The following RARB variants were observed in gnomAD, a reference collection of about 807,000 sequenced individuals.
The protein encoded by RARB is HBV-activated protein.
A neutral mutation model predicts 51.9 loss-of-function variants in RARB; 17 were observed. The observed-to-expected ratio is 0.33, with a 90% CI of 0.22 to 0.49. RARB has a LOEUF of 0.49. Ranked by LOEUF, RARB falls within the 20% of genes least tolerant of loss-of-function variation. The pLI, the probability that RARB is intolerant of heterozygous loss-of-function variation, is 0.99. For missense variants in RARB, 369 were observed against 550.8 expected (o/e 0.67, Z 3.30); for synonymous variants, 215 against 195.4 (o/e 1.10, Z -0.84).
intron 5 of RARB, among the ~76,000 whole-genome samples, chr3:25,235,344 T>G (rs970669929): frequency 1.4e-4 from 22 of 152,026 alleles, no homozygotes; most frequent in Admixed American, 1.3e-3. Context: ...TAAGCAAAAT[T>G]TTGCTCAGAA....
intron 5 of RARB, among the ~76,000 whole-genome samples, chr3:25,593,165 CTT>C (rs200612408): frequency 1.7e-4 from 25 of 144,840 alleles, no homozygotes; most frequent in Non-Finnish European, 2.0e-4. Flanking sequence ...TCTTATTCAT[CTT>C]TTTTTTTTTT....
intron 5 of RARB, among the ~76,000 whole-genome samples, chr3:25,250,709 G>T (rs1447574064): frequency 6.6e-6 from 1 of 152,146 alleles, no homozygotes; most frequent in African/African-American, 2.4e-5. Context: ...TAGGGGCTGG[G>T]CTCTCAAAGT....
At chr3:25,167,094 G>A (rs938528053) in intron 4 of RARB, among the ~76,000 whole-genome samples, 5 of 152,042 alleles carry the variant, frequency 3.3e-5, no homozygotes, top group Non-Finnish European at 7.4e-5. Context: ...TCTCATCTGT[G>A]GTCTTGAGTG....
chr3:25,080,097 C>T (rs1199171155), intron 3 of RARB, among the ~76,000 whole-genome samples: 5 of 152,168 alleles, frequency 3.3e-5, no homozygotes, highest in African/African-American at 1.2e-4. Context: ...CTCTGCCATC[C>T]TCTCTCCCTC....
At chr3:24,927,833 A>G (rs899968546) in intron 2 of RARB, among the ~76,000 whole-genome samples, 1 of 152,068 alleles carries the variant, frequency 6.6e-6, no homozygotes, top group African/African-American at 2.4e-5. Context: ...GAAATTTTTC[A>G]TGTTTTCAGT....
chr3:25,366,048 A>G (rs572682040), intron 5 of RARB, among the ~76,000 whole-genome samples: 1 of 152,296 alleles, frequency 6.6e-6, no homozygotes, highest in East Asian at 1.9e-4. Flanking sequence ...TGCAGGACAC[A>G]TTTCTTCCTA....
chr3:25,327,817 T>G (rs1248231944), intron 5 of RARB, among the ~76,000 whole-genome samples: 3 of 152,330 alleles, frequency 2.0e-5, no homozygotes, highest in Admixed American at 2.0e-4. Flanking sequence ...TGGTATATTA[T>G]CTGGTCTATT....
intron 5 of RARB, among the ~76,000 whole-genome samples, chr3:25,176,329 CTTT>C: frequency 2.1e-5 from 1 of 48,756 alleles, no homozygotes; most frequent in African/African-American, 6.6e-5. Flanking sequence ...TTCTTTCTTT[CTTT>C]CTTTCCTTCC....
intron 2 of RARB, among the ~76,000 whole-genome samples, chr3:24,938,300 G>GC (rs940111238): frequency 6.6e-6 from 1 of 152,068 alleles, no homozygotes; most frequent in Non-Finnish European, 1.5e-5. Flanking sequence ...CTCCATGACG[G>GC]CCCTAGAGTC....
intron 2 of RARB, among the ~76,000 whole-genome samples, chr3:24,947,658 T>C (rs1311158835): frequency 6.6e-6 from 1 of 152,200 alleles, no homozygotes; most frequent in African/African-American, 2.4e-5. Context: ...CCATCCACTC[T>C]GGTATGGTAA....
At chr3:25,162,251 G>A (rs549490626) in intron 4 of RARB, among the ~76,000 whole-genome samples, 2 of 152,142 alleles carry the variant, frequency 1.3e-5, no homozygotes, top group Non-Finnish European at 2.9e-5. Context: ...CTATAGGCAA[G>A]CACCACCATG....
chr3:25,111,202 A>G, intron 3 of RARB, among the ~76,000 whole-genome samples: 1 of 152,328 alleles, frequency 6.6e-6, no homozygotes, highest in African/African-American at 2.4e-5. Context: ...TTATTAAGAG[A>G]TATATTTATA....
chr3:25,411,181 T>G (rs1020180630), intron 5 of RARB, among the ~76,000 whole-genome samples: 1 of 152,230 alleles, frequency 6.6e-6, no homozygotes, highest in Non-Finnish European at 1.5e-5. Flanking sequence ...TATAATAGTT[T>G]ATGTTTTAAC....
intron 4 of RARB, among the ~76,000 whole-genome samples, chr3:25,132,276 G>T (rs1699966247): frequency 6.6e-6 from 1 of 151,730 alleles, no homozygotes; most frequent in African/African-American, 2.4e-5. Flanking sequence ...AGCAGCAATT[G>T]CTATTATAAT....
Position 24,877,346 on chromosome 3 carries a change from C to CTTTTTTTTTTTTTTTTTTT in RARB, c.-380+18611_-380+18612insTTTTTTTTTTTTTTTTTTT, listed in dbSNP as rs66976672. On this transcript the variant is annotated intron_variant, in intron 2 of 11. Coordinates refer to the RARB transcript ENST00000383772. ...ATAGTAATTTTTTAAAGCAATCTTA[C>CTTTTTTTTTTTTTTTTTTT]TTTTTTTTTTTTTTTTTGGAAAATT... 6.3e-3 allele frequency among the ~76,000 whole-genome samples: 515 copies of CTTTTTTTTTTTTTTTTTTT among 81,848 alleles called. 81 individuals carry two copies. The highest frequency in any genetic ancestry group is 7.2e-3 in the African/African-American group (140 of 19,448). 53.7% of individuals were successfully genotyped at this position (81,848 alleles called of 152,430 possible).
intron 2 of RARB, among the ~76,000 whole-genome samples, chr3:25,059,941 A>C (rs902087626): frequency 6.6e-6 from 1 of 151,838 alleles, no homozygotes; most frequent in African/African-American, 2.4e-5. Context: ...GGTGAAAATG[A>C]CATTCCACTA....
At chr3:25,450,723 A>C (rs531992298) in intron 1 of RARB, among the ~76,000 whole-genome samples, 11 of 152,206 alleles carry the variant, frequency 7.2e-5, no homozygotes, top group African/African-American at 2.2e-4. Flanking sequence ...GCAGCCCCCA[A>C]TTGTGACAGC....
intron 5 of RARB, among the ~76,000 whole-genome samples, chr3:25,382,999 A>G (rs1312841920): frequency 6.6e-6 from 1 of 152,236 alleles, no homozygotes; most frequent in East Asian, 1.9e-4. Flanking sequence ...AACTAGAGTG[A>G]GAACATCTAG....
chr3:24,879,377 C>G (rs981419899), intron 2 of RARB, among the ~76,000 whole-genome samples: 1 of 150,796 alleles, frequency 6.6e-6, no homozygotes, highest in Non-Finnish European at 1.5e-5. Flanking sequence ...TGCAGTGAGG[C>G]GAGATCGCAT....
Sources: gnomAD v4.1 joint callset for allele counts (sites outside exome capture counted in the v4.1 genomes callset) on GRCh38, gnomAD v4.1.1 for gene constraint, MANE v1.5 for transcripts, NCBI Gene and HGNC (gene_info 2026-07-23, HGNC 2026-07-21) for gene names.